ENDOD1: variants seen among roughly 807,000 people sequenced by gnomAD.
ENDOD1 encodes endonuclease domain-containing 1 protein.
Under a neutral mutation model 6.5 loss-of-function variants are expected in ENDOD1, and 9 were observed. The ratio of observed to expected loss-of-function variants is 1.39; its 90% confidence interval spans 0.84 to 2.43. ENDOD1 has a LOEUF of 2.43. ENDOD1 is among the 30% of genes most tolerant of loss of function. ENDOD1 has a pLI of 0.00. For missense variants in ENDOD1, 648 were observed against 635.5 expected (o/e 1.02, Z -0.21); for synonymous variants, 255 against 255.2 (o/e 1.00, Z 0.01).
At chr11:95,122,683 T>A (rs1247015521) in intron 1 of ENDOD1, among the ~76,000 whole-genome samples, 4 of 151,924 alleles carry the variant, frequency 2.6e-5, no homozygotes, top group African/African-American at 9.7e-5. Context: ...AGTTGTTTTG[T>A]AGAGTTAGGT....
intron 1 of ENDOD1, among the ~76,000 whole-genome samples, chr11:95,110,331 ATCT>A (rs1240998451): frequency 3.3e-5 from 5 of 152,270 alleles, no homozygotes; most frequent in East Asian, 3.9e-4. Context: ...TGCTCTGCCC[ATCT>A]TCTTCTTCCA....
In ENDOD1 at chr11:95,117,028, G is replaced by A. The variant is rs115235527; in HGVS notation, c.301-11349G>A. Among the ~76,000 whole-genome samples, 1,388 of 152,308 alleles carry A rather than the reference G, an allele frequency of 9.1e-3. 26 individuals are homozygous for A. Among genetic ancestry groups the A allele is most frequent in the African/African-American group, 0.032 (1,322 of 41,564 alleles). ...TTTCTTTGTCTTTGATTTTCTGTCT[G>A]GAAGATCTGTCCAATGCTGAAAGTG... On this transcript the variant is annotated intron_variant, in intron 1 of 1. Coordinates refer to ENST00000278505, the MANE Select transcript of ENDOD1 (RefSeq NM_015036.3).
chr11:95,117,990 C>A lies in ENDOD1; in HGVS notation c.301-10387C>A, dbSNP rs536376733. The stretch of plus-strand genomic sequence containing the variant: ...TACTATCATTATTTTAAGCTGATAA[C>A]AATTTAATGCTGTTTGCATAAGCAA... On this transcript the variant is annotated intron_variant, in intron 1 of 1. Coordinates refer to ENST00000278505, the MANE Select transcript of ENDOD1 (RefSeq NM_015036.3). Among the ~76,000 whole-genome samples, 735 of 152,202 alleles carry A rather than the reference C, an allele frequency of 4.8e-3. 2 individuals carry two copies. The highest frequency in any genetic ancestry group is 0.02 in the Middle Eastern group (6 of 294).
chr11:95,120,005 A>G (rs1859246944), intron 1 of ENDOD1, among the ~76,000 whole-genome samples: 1 of 152,150 alleles, frequency 6.6e-6, no homozygotes, highest in Non-Finnish European at 1.5e-5. Flanking sequence ...GTGTTCCCTC[A>G]AAGTCTCTTT....
At chr11:95,092,854 C>T (rs916462104) in intron 1 of ENDOD1, among the ~76,000 whole-genome samples, 1 of 152,196 alleles carries the variant, frequency 6.6e-6, no homozygotes, top group African/African-American at 2.4e-5. Flanking sequence ...CCCTTGGCGG[C>T]TTCCAAGCAT....
At chr11:95,091,249 C>T (rs78664203) in intron 1 of ENDOD1, among the ~76,000 whole-genome samples, 8 of 152,334 alleles carry the variant, frequency 5.3e-5, no homozygotes, top group East Asian at 1.9e-4. Flanking sequence ...CCTTTCCTGA[C>T]GGCCACAGCT....
At chr11:95,112,478 A>G (rs1256551930) in intron 1 of ENDOD1, among the ~76,000 whole-genome samples, 1 of 152,234 alleles carries the variant, frequency 6.6e-6, no homozygotes, top group African/African-American at 2.4e-5. Context: ...TTGTAGGGTT[A>G]TGTGAAGGGT....
At chr11:95,108,534 C>CACACACAAAAAA (rs1176686943) in intron 1 of ENDOD1, among the ~76,000 whole-genome samples, 2 of 141,860 alleles carry the variant, frequency 1.4e-5, no homozygotes, top group African/African-American at 5.0e-5. Flanking sequence ...CACAGACACC[C>CACACACAAAAAA]AAAAAAAGAA....
intron 1 of ENDOD1, among the ~76,000 whole-genome samples, chr11:95,117,501 T>A (rs1244622357): frequency 1.3e-5 from 2 of 152,236 alleles, no homozygotes; most frequent in Non-Finnish European, 2.9e-5. Context: ...AATTGACCCC[T>A]TTATCATTAT....
At chr11:95,111,365 C>T (rs1206153831) in intron 1 of ENDOD1, among the ~76,000 whole-genome samples, 1 of 152,030 alleles carries the variant, frequency 6.6e-6, no homozygotes, top group Non-Finnish European at 1.5e-5. Flanking sequence ...GACCGGGGAG[C>T]AGGGGGATGG....
chr11:95,100,604 T>C (rs73528744), intron 1 of ENDOD1, among the ~76,000 whole-genome samples: 14,113 of 152,064 alleles, frequency 0.093, 713 homozygotes, highest in South Asian at 0.2. Flanking sequence ...TCCTCCCACC[T>C]CAGCATCCTG....
rs1383012668 is a variant in ENDOD1, at chr11:95,129,399, TG to T, written c.1324del (p.Val442CysfsTer111). The T allele has an allele frequency of 3.7e-6, 6 of 1,614,088 alleles. No individual in the cohort carries two copies. The East Asian group carries it at 1.3e-4, about 36-fold the overall frequency. The part of the protein sequence containing the change: ...RVLVDVATFP[V>X]YTMGAIPIVC... ...TCCTTGTGGATGTGGCCACTTTCCC[TG>T]TGTACACCATGGGCGCTATTCCAAT... On this transcript the variant is annotated frameshift_variant, in exon 2 of 2. Transcript: ENST00000278505. LOFTEE classifies it high-confidence loss of function.
rs181944676 is a variant in ENDOD1, at chr11:95,092,219, C to T, written c.300+1992C>T. Among the ~76,000 whole-genome samples the T allele has an allele frequency of 6.6e-5, 10 of 151,826 alleles. No individual in the cohort carries two copies. The East Asian group carries it at 1.4e-3, about 21-fold the overall frequency. On this transcript the variant is annotated intron_variant, in intron 1 of 1. Transcript: ENST00000278505. Reference sequence around the variant, plus strand: ...GGCATGGCAGATTCAGGGATTTGTGCGTGAAGAAGTTGGAACAGGTAAACT... The same window carrying T: ...GGCATGGCAGATTCAGGGATTTGTGTGTGAAGAAGTTGGAACAGGTAAACT...
chr11:95,106,921 G>A (rs1045074759), intron 1 of ENDOD1, among the ~76,000 whole-genome samples: 1 of 152,068 alleles, frequency 6.6e-6, no homozygotes, highest in Non-Finnish European at 1.5e-5. Flanking sequence ...CTGTGGTGAA[G>A]AACAGGAGTC....
At position 95,129,415 on chromosome 11, in the gene ENDOD1, G is replaced by A. The variant is rs773906688; in HGVS notation, c.1339G>A (p.Ala447Thr). The A allele has an allele frequency of 5.6e-6, 9 of 1,614,034 alleles. No individual in the cohort carries two copies. Among genetic ancestry groups the A allele is most frequent in the Middle Eastern group, 1.6e-4 (1 of 6,082 alleles). ...CACTTTCCCTGTGTACACCATGGGCGCTATTCCAATTGTTTGCAAGGACAT... is the reference window on the plus strand; with the variant it reads ...CACTTTCCCTGTGTACACCATGGGCACTATTCCAATTGTTTGCAAGGACAT... ...VATFPVYTMG[A>T]IPIVCKDIAL... Residue 447 changes from alanine (A) to threonine (T), a missense_variant, in exon 2 of 2, where the codon GCT (alanine) becomes ACT (threonine). Coordinates refer to ENST00000278505, the MANE Select transcript of ENDOD1 (RefSeq NM_015036.3).
rs576563350 is a variant in ENDOD1, at chr11:95,129,892, A to T, written c.*313A>T. On this transcript the variant is annotated 3_prime_UTR_variant, in exon 2 of 2. Transcript: ENST00000278505. Reference sequence around the variant, plus strand: ...CACTGGTATTTATTTCTGATAATTAAAAATTACAGGGGAGGGAAGAACTAG... The same window carrying T: ...CACTGGTATTTATTTCTGATAATTATAAATTACAGGGGAGGGAAGAACTAG... 9 of 214,542 alleles carry T rather than the reference A, an allele frequency of 4.2e-5. No individual in the cohort carries two copies. The South Asian group carries it at 5.7e-4, about 14-fold the overall frequency. 13.3% of individuals were successfully genotyped at this position (214,542 alleles called of 1,614,324 possible).
Position 95,129,578 on chromosome 11 carries a change from A to G in ENDOD1, c.1502A>G (p.Ter501=). The G allele has an allele frequency of 2.5e-6, 4 of 1,606,304 alleles. No individual in the cohort carries two copies. The highest frequency in any genetic ancestry group is 3.4e-6 in the Non-Finnish European group (4 of 1,175,910). Residue 501 remains the stop codon, a stop_retained_variant, in exon 2 of 2, where the codon TAA becomes TGA. Transcript: ENST00000278505. The part of the protein sequence containing the change: ...KVTFDNSGEL[*] ...ACTTTTGACAATTCTGGGGAGTTATAAACTCAAAAAACTAATAGTATCCAG... is the reference window on the plus strand; with the variant it reads ...ACTTTTGACAATTCTGGGGAGTTATGAACTCAAAAAACTAATAGTATCCAG...
At chr11:95,116,579 C>G (rs1555112516) in intron 1 of ENDOD1, among the ~76,000 whole-genome samples, 1 of 152,134 alleles carries the variant, frequency 6.6e-6, no homozygotes, top group Non-Finnish European at 1.5e-5. Flanking sequence ...CAACATTAGG[C>G]TGTTTATTCG....
chr11:95,091,839 C>A (rs1282102784), intron 1 of ENDOD1, among the ~76,000 whole-genome samples: 4 of 152,100 alleles, frequency 2.6e-5, no homozygotes, highest in Non-Finnish European at 5.9e-5. Context: ...TAGAGCCATG[C>A]TATGTGGGTT....
Sources: allele counts gnomAD v4.1 joint callset (sites outside exome capture counted in the v4.1 genomes callset), GRCh38; gene constraint gnomAD v4.1.1; transcripts MANE v1.5; gene names NCBI Gene and HGNC (gene_info 2026-07-23, HGNC 2026-07-21).